Variants in BMS1 observed in about 807,000 individuals in gnomAD.
BMS1 encodes ribosome biogenesis protein BMS1 homolog.
In BMS1, 53 loss-of-function variants were observed where a neutral mutation model predicts 138.7. The observed-to-expected ratio is 0.38, with a 90% confidence interval of 0.31 to 0.48. The LOEUF is 0.48. BMS1 is among the 20% of genes least tolerant of loss of function. The pLI is 0.97. For missense variants in BMS1, 1,360 were observed against 1,565.5 expected (o/e 0.87, Z 2.22); for synonymous variants, 504 against 539.9 (o/e 0.93, Z 0.92).
chr10:42,785,598 T>G lies in BMS1; in HGVS notation c.293T>G (p.Leu98Trp), dbSNP rs1841302891. The stretch of plus-strand genomic sequence containing the variant: ...CCTCCAAAAGTTGGAAAGAGCACTT[T>G]GATACAATGCCTCATTCGGAACTTT... ...MGPPKVGKST[L>W]IQCLIRNFTR... is the part of the protein sequence containing the mutation. The change falls in exon 3 of 23, where the codon TTG (leucine) becomes TGG (tryptophan). Residue 98 changes from leucine (L) to tryptophan (W), a missense_variant. Coordinates refer to ENST00000374518, the MANE Select transcript of BMS1 (RefSeq NM_014753.4). The G allele has an allele frequency of 6.2e-7, 1 of 1,613,814 alleles. No individual in the cohort carries two copies. The highest frequency in any genetic ancestry group is 8.5e-7 in the Non-Finnish European group (1 of 1,179,856).
chr10:42,819,084 G>T (rs12241974), intron 15 of BMS1, among the ~76,000 whole-genome samples: 16,737 of 152,232 alleles, frequency 0.11, 1,065 homozygotes, highest in African/African-American at 0.17. Context: ...GAAAACTTTT[G>T]TGGGGTTTTG....
intron 15 of BMS1, among the ~76,000 whole-genome samples, chr10:42,817,743 AT>A (rs1340418674): frequency 6.6e-6 from 1 of 152,224 alleles, no homozygotes; most frequent in African/African-American, 2.4e-5. Context: ...GGAAACAGAA[AT>A]GACTGAGACA....
rs764053800 is a variant in BMS1, at chr10:42,830,299, C to T, written c.3495C>T (p.His1165=). 2.5e-6 allele frequency: 4 copies of T among 1,613,656 alleles called. No individual in the cohort carries two copies. The Middle Eastern group carries it at 5.0e-4, about 200-fold the overall frequency. ...LRQKKHFNSL[H]IPKALQKALP... ...AAAAGAAACATTTTAATTCACTGCA[C>T]ATTCCAAAAGCCTTGCAGAAGGCCC... The change falls in exon 22 of 23, where the codon CAC becomes CAT. Residue 1165 remains histidine, a synonymous_variant. Coordinates refer to ENST00000374518, the MANE Select transcript of BMS1 (RefSeq NM_014753.4).
At chr10:42,814,524 A>G (rs1400677214) in intron 13 of BMS1, among the ~76,000 whole-genome samples, 4 of 152,162 alleles carry the variant, frequency 2.6e-5, no homozygotes, top group Non-Finnish European at 4.4e-5. Flanking sequence ...TTGTTGAAGC[A>G]TATTTATGCT....
intron 5 of BMS1, 152 bp from the exon 6 acceptor site, chr10:42,791,475 A>G: frequency 1.3e-6 from 1 of 785,034 alleles, no homozygotes; most frequent in Non-Finnish European, 1.9e-6. Context: ...TAAATCCTGA[A>G]AGAAGCCAGC....
At chr10:42,791,463 A>C (rs753470191) in intron 5 of BMS1, among the ~76,000 whole-genome samples, 164 bp from the exon 6 acceptor site, 1 of 152,172 alleles carries the variant, frequency 6.6e-6, no homozygotes, top group African/African-American at 2.4e-5. Context: ...GTGGGGTTCT[A>C]ATAAATCCTG....
In BMS1 at chr10:42,798,455, G is replaced by C. The variant is rs372935449; in HGVS notation, c.2090-13G>C. 5 of 1,614,094 alleles carry C rather than the reference G, an allele frequency of 3.1e-6. No individual in the cohort carries two copies. The Admixed American group carries it at 8.3e-5, about 27-fold the overall frequency. ...TTTTTGTTCTCACTTTTCTGCCATGGTGTGCTCTTTAGTGACAGAAGATAA... is the reference window on the plus strand; with the variant it reads ...TTTTTGTTCTCACTTTTCTGCCATGCTGTGCTCTTTAGTGACAGAAGATAA... On this transcript the variant is annotated splice_polypyrimidine_tract_variant and intron_variant, in intron 11 of 22. Transcript: ENST00000374518.
chr10:42,815,688 C>T (rs1164603191), intron 13 of BMS1, among the ~76,000 whole-genome samples: 2 of 152,114 alleles, frequency 1.3e-5, no homozygotes, highest in Non-Finnish European at 2.9e-5. Flanking sequence ...CAGGCGTGAG[C>T]CACTGCACCC....
At position 42,785,675 on chromosome 10, in the gene BMS1, A is replaced by G; in HGVS notation, c.367+3A>G. The G allele has an allele frequency of 6.2e-7, 1 of 1,612,616 alleles. No homozygotes were observed. The highest frequency in any genetic ancestry group is 8.5e-7 in the Non-Finnish European group (1 of 1,178,760). On this transcript the variant is annotated splice_donor_region_variant and intron_variant, in intron 3 of 22. Coordinates refer to ENST00000374518, the MANE Select transcript of BMS1 (RefSeq NM_014753.4). ...AGGCCCTGTGACGATTGTGTCAGGT[A>G]GGAGATGCCACCACAGACACAGAGT...
At chr10:42,826,872 A>C (rs1333006577) in intron 21 of BMS1, among the ~76,000 whole-genome samples, 2 of 152,006 alleles carry the variant, frequency 1.3e-5, no homozygotes, top group Non-Finnish European at 2.9e-5. Context: ...AAGTCAACTC[A>C]GGCTCCAAGG....
chr10:42,798,170 C>A (rs547661905), intron 11 of BMS1, among the ~76,000 whole-genome samples: 1 of 152,282 alleles, frequency 6.6e-6, no homozygotes, highest in African/African-American at 2.4e-5. Context: ...TAAAGCTCTG[C>A]CTTTAAATTC....
At chr10:42,808,073 T>G (rs1344962366) in intron 13 of BMS1, among the ~76,000 whole-genome samples, 1 of 152,148 alleles carries the variant, frequency 6.6e-6, no homozygotes, top group Non-Finnish European at 1.5e-5. Context: ...TTTATTTGCA[T>G]TTTTATATCT....
rs1247987191 is a variant in BMS1, at chr10:42,820,938, T to C, written c.2955T>C (p.Pro985=). 5.6e-6 allele frequency: 9 copies of C among 1,604,198 alleles called. No homozygotes were observed. Among genetic ancestry groups the C allele is most frequent in the Non-Finnish European group, 7.6e-6 (9 of 1,177,704 alleles). ...HMHCGAAFWG[P]ITPQGTGFLA... is the part of the protein sequence containing the mutation. ...TTTTTTTCCTTTTCCTTTAAGGCCC[T>C]ATCACTCCACAGGGAACTGGTTTCT... The change falls in exon 18 of 23, where the codon CCT becomes CCC. Residue 985 remains proline, a synonymous_variant. Coordinates refer to ENST00000374518, the MANE Select transcript of BMS1 (RefSeq NM_014753.4).
At chr10:42,792,726 G>C in intron 7 of BMS1, 112 bp downstream of exon 7, 2 of 1,493,522 alleles carry the variant, frequency 1.3e-6, no homozygotes, top group Non-Finnish European at 1.8e-6. Flanking sequence ...CTTGCTGGAG[G>C]TTTTAAAAGT....
chr10:42,823,225 A>G lies in BMS1; in HGVS notation c.3240A>G (p.Gly1080=). 1 of 1,603,030 alleles carries G rather than the reference A, an allele frequency of 6.2e-7. No homozygotes were observed. Among genetic ancestry groups the G allele is most frequent in the Non-Finnish European group, 8.5e-7 (1 of 1,176,638 alleles). ...QIKKALRAPE[G]AFRASFEDKL... ...AGAAAGCACTCCGAGCTCCAGAAGGAGCTTTCAGGGCCAGCTTTGAGGATA... is the reference window on the plus strand; with the variant it reads ...AGAAAGCACTCCGAGCTCCAGAAGGGGCTTTCAGGGCCAGCTTTGAGGATA... The change falls in exon 20 of 23, where the codon GGA becomes GGG. Residue 1080 remains glycine (G), a synonymous_variant. Coordinates refer to ENST00000374518, the MANE Select transcript of BMS1 (RefSeq NM_014753.4).
At chr10:42,812,074 G>A (rs1453480743) in intron 13 of BMS1, among the ~76,000 whole-genome samples, 1 of 152,156 alleles carries the variant, frequency 6.6e-6, no homozygotes, top group African/African-American at 2.4e-5. Flanking sequence ...TTAAAAATGT[G>A]TGTATTTTGC....
intron 15 of BMS1, among the ~76,000 whole-genome samples, chr10:42,817,715 A>G (rs1284268050): frequency 6.6e-6 from 1 of 152,156 alleles, no homozygotes; most frequent in South Asian, 2.1e-4. Flanking sequence ...ATCCATACCT[A>G]TTTTGTAACA....
intron 15 of BMS1, among the ~76,000 whole-genome samples, chr10:42,819,936 C>T (rs529024816): frequency 5.3e-5 from 8 of 152,182 alleles, no homozygotes; most frequent in African/African-American, 1.7e-4. Flanking sequence ...GGACTACAGG[C>T]ACGCACCACC....
chr10:42,811,771 G>T (rs374734253), intron 13 of BMS1, among the ~76,000 whole-genome samples: 1 of 151,620 alleles, frequency 6.6e-6, no homozygotes, highest in Non-Finnish European at 1.5e-5. Context: ...TGATCCGCCC[G>T]CCTCGGCCTC....
Sources: allele counts gnomAD v4.1 joint callset (sites outside exome capture counted in the v4.1 genomes callset), GRCh38; gene constraint gnomAD v4.1.1; transcripts MANE v1.5; gene names NCBI Gene and HGNC (gene_info 2026-07-23, HGNC 2026-07-21).